The following EPB41 variants were observed in gnomAD, a reference collection of about 807,000 sequenced individuals.
EPB41 encodes erythrocyte membrane protein band 4.1, also known as protein 4.1.
EPB41 carries 65 observed loss-of-function variants against 108.0 expected under a neutral mutation model. The observed-to-expected ratio is 0.60, with a 90% CI of 0.49 to 0.74. EPB41 has a LOEUF of 0.74. Among genes scored for constraint, EPB41 ranks in the 30% least tolerant of loss-of-function variants. The pLI is 0.00. For synonymous variants in EPB41, 336 were observed against 358.9 expected (o/e 0.94, Z 0.72); for missense variants, 875 against 1,037.0 (o/e 0.84, Z 2.15).
In EPB41 at chr1:29,030,378, TTA is replaced by T. The variant is rs1302557606; in HGVS notation, c.1125-20_1125-19del. ...ATGACACTATAACACTGAAAGAATT[TTA>T]TGTTTTTATTCTATCAAAGGTCCAT... On this transcript the variant is annotated intron_variant, in intron 7 of 20. Coordinates refer to ENST00000343067, the MANE Select transcript of EPB41 (RefSeq NM_001376013.1). 1.3e-6 allele frequency: 2 copies of T among 1,594,824 alleles called. No homozygotes were observed. The highest frequency in any genetic ancestry group is 2.2e-5 in the South Asian group (2 of 90,672).
At chr1:28,906,666 G>C (rs1173360947) in intron 1 of EPB41, among the ~76,000 whole-genome samples, 1 of 152,178 alleles carries the variant, frequency 6.6e-6, no homozygotes, top group South Asian at 2.1e-4. Context: ...CATTTCCAAA[G>C]TGCTTTCCTG....
At chr1:29,054,844 G>A (rs1343103578) in intron 12 of EPB41, among the ~76,000 whole-genome samples, 1 of 151,966 alleles carries the variant, frequency 6.6e-6, no homozygotes, top group South Asian at 2.1e-4. Flanking sequence ...AAAGTGAGAC[G>A]CTGTCTCAAA....
intron 16 of EPB41, among the ~76,000 whole-genome samples, chr1:29,079,363 G>T (rs185457286): frequency 5.9e-5 from 9 of 151,776 alleles, no homozygotes; most frequent in Admixed American, 3.9e-4. Context: ...ATAAATTTAA[G>T]ATTGGGTATC....
chr1:29,094,246 G>GT (rs1028687459), intron 16 of EPB41, among the ~76,000 whole-genome samples: 2 of 151,816 alleles, frequency 1.3e-5, no homozygotes, highest in East Asian at 3.9e-4. Context: ...GCTGGTGTTT[G>GT]TTTTTTGTTG....
chr1:28,994,949 C>T (rs1279694153), intron 3 of EPB41, among the ~76,000 whole-genome samples: 1 of 87,410 alleles, frequency 1.1e-5, no homozygotes, highest in African/African-American at 5.2e-5. Context: ...CATGAGTCAC[C>T]GCACCCAGCC....
chr1:28,958,975 T>C (rs1242357520), intron 1 of EPB41, among the ~76,000 whole-genome samples: 1 of 151,788 alleles, frequency 6.6e-6, no homozygotes, highest in Admixed American at 6.6e-5. Flanking sequence ...AAACATGGCG[T>C]GTGGGCAGGG....
intron 1 of EPB41, chr1:28,893,601 G>A (rs1178510000): frequency 2.0e-5 from 3 of 152,292 alleles, no homozygotes; most frequent in Non-Finnish European, 4.4e-5. Flanking sequence ...CTGATGAGCT[G>A]AGGGTGGATT....
At chr1:28,910,967 G>A, upstream of EPB41, 1 of 985,200 alleles carries the variant, frequency 1.0e-6, no homozygotes, top group Non-Finnish European at 1.2e-6. Flanking sequence ...ATGGAGCAGA[G>A]CTGTTTCTGC....
At chr1:28,894,482 C>T (rs1383490177) in intron 1 of EPB41, among the ~76,000 whole-genome samples, 1 of 152,140 alleles carries the variant, frequency 6.6e-6, no homozygotes, top group African/African-American at 2.4e-5. Context: ...AGCTCTGGGT[C>T]TTCTGAACTT....
chr1:28,983,797 T>C (rs529063649), intron 1 of EPB41, among the ~76,000 whole-genome samples: 2 of 152,150 alleles, frequency 1.3e-5, no homozygotes, highest in South Asian at 4.1e-4. Context: ...ACGAACAGCT[T>C]AAGTGTTAGC....
At chr1:29,069,706 T>C (rs10753332) in intron 16 of EPB41, 126,759 of 153,706 alleles carry the variant, frequency 0.82, 52,773 homozygotes, top group Middle Eastern at 0.89. Context: ...CAGACTGTTG[T>C]TCTGTCCCCC....
intron 12 of EPB41, among the ~76,000 whole-genome samples, chr1:29,056,805 C>A (rs1169917344): frequency 6.6e-6 from 1 of 152,006 alleles, no homozygotes; most frequent in Non-Finnish European, 1.5e-5. Flanking sequence ...AGATTACAGG[C>A]GTGAGCCACC....
At chr1:28,889,822 G>T (rs2147800703) in intron 1 of EPB41, 1 of 985,318 alleles carries the variant, frequency 1.0e-6, no homozygotes, top group Non-Finnish European at 1.2e-6. Flanking sequence ...CCTTTCTTGA[G>T]CACGTACTGT....
rs573319824 is a variant in EPB41, at chr1:28,892,384, C to T, written c.-8+5174C>T. Among the ~76,000 whole-genome samples, 5 of 152,242 alleles carry T rather than the reference C, an allele frequency of 3.3e-5. No individual in the cohort carries two copies. The East Asian group carries it at 5.8e-4, about 18-fold the overall frequency. On this transcript the variant is annotated intron_variant, in intron 1 of 16. Coordinates refer to the EPB41 transcript ENST00000347529. ...TCACATCAACCCTGTGAGGTGGATA[C>T]TAATATTATCTCCAGTTTGCAGATG...
At chr1:29,002,069 A>C (rs933089102) in intron 4 of EPB41, among the ~76,000 whole-genome samples, 1 of 152,202 alleles carries the variant, frequency 6.6e-6, no homozygotes, top group Non-Finnish European at 1.5e-5. Context: ...TCATTGGTAA[A>C]ATGGGAATGA....
chr1:29,088,950 A>T (rs1660235901), intron 16 of EPB41, among the ~76,000 whole-genome samples: 1 of 152,196 alleles, frequency 6.6e-6, no homozygotes, highest in East Asian at 1.9e-4. Flanking sequence ...TGTCTAAAAA[A>T]TAAATATATA....
At position 29,097,879 on chromosome 1, in the gene EPB41, A is replaced by G. The variant is rs762105115; in HGVS notation, c.2257A>G (p.Lys753Glu). ...TGCTGTGAAAAGTGAAATCCCAACC[A>G]AAGACGTCCCTATTGTCCACACTGA... is the stretch of plus-strand genomic sequence containing the variant. ...ANAVKSEIPTKDVPIVHTETK... is the reference protein window; with the variant it reads ...ANAVKSEIPTEDVPIVHTETK... The change falls in exon 17 of 21, where the codon AAA (lysine) becomes GAA (glutamate). Residue 753 changes from lysine to glutamate, a missense_variant. This residue lies in a region of EPB41 where 519 missense variants were observed against 627.3 expected (regional missense o/e 0.83). Transcript: ENST00000343067. 3 of 1,613,970 alleles carry G rather than the reference A, an allele frequency of 1.9e-6. No individual in the cohort carries two copies. The highest frequency in any genetic ancestry group is 1.7e-5 in the Admixed American group (1 of 60,008).
At chr1:28,944,664 G>A (rs2094431944) in intron 1 of EPB41, among the ~76,000 whole-genome samples, 1 of 150,836 alleles carries the variant, frequency 6.6e-6, no homozygotes, top group Non-Finnish European at 1.5e-5. Context: ...AGCCTCCCGA[G>A]TAGCTGGGAT....
At chr1:29,060,628 G>A (rs1646350025) in intron 15 of EPB41, 144 bp downstream of exon 15, 1 of 704,894 alleles carries the variant, frequency 1.4e-6, no homozygotes, top group African/African-American at 1.8e-5. Context: ...GCTTTTGCAT[G>A]TTGGTGAACA....
Sources: allele counts gnomAD v4.1 joint callset (sites outside exome capture counted in the v4.1 genomes callset), GRCh38; gene constraint gnomAD v4.1.1; regional missense constraint gnomAD v4.1.1; transcripts MANE v1.5; gene names NCBI Gene and HGNC (gene_info 2026-07-23, HGNC 2026-07-21).